PDE7B: variants seen among roughly 807,000 people sequenced by gnomAD.
PDE7B encodes the protein 3',5'-cyclic-AMP phosphodiesterase 7B.
PDE7B carries 29 observed loss-of-function variants against 56.2 expected under a neutral mutation model. The ratio of observed to expected loss-of-function variants is 0.52; its 90% CI spans 0.38 to 0.70. PDE7B has a LOEUF of 0.70. PDE7B is among the 30% of genes least tolerant of loss of function. PDE7B has a pLI of 0.00. For missense variants in PDE7B, 490 were observed against 565.0 expected (o/e 0.87, Z 1.35); for synonymous variants, 197 against 196.9 (o/e 1.00, Z 0.00).
intron 1 of PDE7B, among the ~76,000 whole-genome samples, chr6:135,896,949 C>A (rs1475322443): frequency 6.6e-6 from 1 of 152,068 alleles, no homozygotes; most frequent in Non-Finnish European, 1.5e-5. Flanking sequence ...GCCTGAAATA[C>A]CACTCTCCAA....
intron 2 of PDE7B, among the ~76,000 whole-genome samples, chr6:135,991,200 C>T (rs1228101193): frequency 1.3e-5 from 2 of 152,080 alleles, no homozygotes; most frequent in South Asian, 2.1e-4. Context: ...ACCTGTATCT[C>T]GTGCCAACAT....
intron 1 of PDE7B, among the ~76,000 whole-genome samples, chr6:135,928,469 T>TATATATTTATTTATATATATATTTA (rs1774232704): frequency 2.4e-5 from 2 of 81,740 alleles, no homozygotes; most frequent in African/African-American, 4.0e-5. Context: ...ATATATTTAT[T>TATATATTTATTTATATATATATTTA]TATATATATA....
chr6:135,877,652 A>G (rs1480828858), intron 1 of PDE7B, among the ~76,000 whole-genome samples: 1 of 151,660 alleles, frequency 6.6e-6, no homozygotes, highest in Admixed American at 6.6e-5. Flanking sequence ...AGTCATTAAT[A>G]TCTTTCTTAG....
At chr6:136,172,207 C>T (rs1338990244) in intron 8 of PDE7B, among the ~76,000 whole-genome samples, 4 of 152,164 alleles carry the variant, frequency 2.6e-5, no homozygotes, top group African/African-American at 9.7e-5. Context: ...CTTGAGGAAT[C>T]GCCACACTGA....
At chr6:136,157,855 T>A (rs559984607) in intron 8 of PDE7B, among the ~76,000 whole-genome samples, 62 of 152,348 alleles carry the variant, frequency 4.1e-4, no homozygotes, top group Non-Finnish European at 6.2e-4. Flanking sequence ...AACTCCAGAA[T>A]AACTGAAAAT....
At chr6:135,873,100 T>C (rs1775418196) in intron 1 of PDE7B, among the ~76,000 whole-genome samples, 1 of 152,142 alleles carries the variant, frequency 6.6e-6, no homozygotes, top group African/African-American at 2.4e-5. Flanking sequence ...CTCCATACTA[T>C]GAAGGTTCCT....
intron 2 of PDE7B, among the ~76,000 whole-genome samples, chr6:135,988,181 T>C (rs1775415550): frequency 6.6e-6 from 1 of 151,870 alleles, no homozygotes; most frequent in Non-Finnish European, 1.5e-5. Flanking sequence ...AAGAAAGAAC[T>C]AAGAGGGAAC....
intron 2 of PDE7B, among the ~76,000 whole-genome samples, chr6:135,992,639 G>T (rs1351684439): frequency 6.6e-6 from 1 of 152,056 alleles, no homozygotes; most frequent in East Asian, 1.9e-4. Flanking sequence ...GTTCCCTGTA[G>T]CTAGAGTTTG....
chr6:136,068,228 A>C (rs1007948247), intron 2 of PDE7B, among the ~76,000 whole-genome samples: 1 of 152,152 alleles, frequency 6.6e-6, no homozygotes, highest in Non-Finnish European at 1.5e-5. Flanking sequence ...CCAACAGTAC[A>C]TGAAAGATGT....
chr6:135,940,042 A>AT (rs1243150283), intron 1 of PDE7B, among the ~76,000 whole-genome samples: 5 of 151,256 alleles, frequency 3.3e-5, no homozygotes, highest in African/African-American at 4.9e-5. Flanking sequence ...GTCCATAAAG[A>AT]TTTTTTTTTA....
At chr6:135,886,560 C>T (rs1310967333) in intron 1 of PDE7B, among the ~76,000 whole-genome samples, 3 of 151,968 alleles carry the variant, frequency 2.0e-5, no homozygotes, top group East Asian at 1.9e-4. Flanking sequence ...GTTCAAACAT[C>T]ACACTTATGT....
rs559769128 is a variant in PDE7B at position 136,195,455 on chromosome 6, GAAAAAAAAAA to G, written c.*3628_*3637del. Reference sequence around the variant, plus strand: ...CATTTTGTATACACATGTGAGGTTTGAAAAAAAAAAAAAAAAAAAAAAGAACTACCTTGTG... The same window carrying G: ...CATTTTGTATACACATGTGAGGTTTGAAAAAAAAAAAAGAACTACCTTGTG... On this transcript the variant is annotated 3_prime_UTR_variant, in exon 13 of 13. Transcript: ENST00000308191. 56 of 68,974 alleles carry G rather than the reference GAAAAAAAAAA, an allele frequency of 8.1e-4. No homozygotes were observed. Among genetic ancestry groups the G allele is most frequent in the African/African-American group, 9.0e-4 (21 of 23,282 alleles). 4.3% of individuals were successfully genotyped at this position (68,974 alleles called of 1,614,324 possible). A position where few individuals can be genotyped will look rare whatever the true frequency, so the allele number is the denominator to read the frequency against.
At chr6:136,059,910 T>C (rs1776807736) in intron 2 of PDE7B, among the ~76,000 whole-genome samples, 2 of 152,162 alleles carry the variant, frequency 1.3e-5, no homozygotes, top group African/African-American at 2.4e-5. Context: ...TCATTCCTGA[T>C]CCACCTGAAC....
intron 2 of PDE7B, among the ~76,000 whole-genome samples, chr6:136,063,077 A>G (rs1030350498): frequency 6.6e-6 from 1 of 152,238 alleles, no homozygotes; most frequent in Non-Finnish European, 1.5e-5. Context: ...ATTTGCTAGT[A>G]TAACTTTGAT....
chr6:135,857,023 T>TCCCCCCCCCCC (rs879803784), intron 1 of PDE7B, among the ~76,000 whole-genome samples: 1 of 111,306 alleles, frequency 9.0e-6, no homozygotes, highest in African/African-American at 3.9e-5. Flanking sequence ...CTTACTCCTT[T>TCCCCCCCCCCC]TCCTCCCTCC....
At chr6:136,033,885 C>CGT (rs1332549638) in intron 2 of PDE7B, 1 of 124,372 alleles carries the variant, frequency 8.0e-6, no homozygotes, top group African/African-American at 3.6e-5. Context: ...CGTGTGTGTG[C>CGT]ATGTGTGTGT....
intron 2 of PDE7B, among the ~76,000 whole-genome samples, chr6:135,984,761 T>A (rs1036561542): frequency 1.3e-5 from 2 of 152,132 alleles, no homozygotes; most frequent in Non-Finnish European, 2.9e-5. Context: ...ACTTGTGTTG[T>A]TTGAGTTTGT....
chr6:135,936,672 C>T (rs533999890), intron 1 of PDE7B, among the ~76,000 whole-genome samples: 14 of 152,296 alleles, frequency 9.2e-5, no homozygotes, highest in African/African-American at 3.1e-4. Context: ...TGAAGTGCAG[C>T]ATGCTCTTCC....
At chr6:136,065,666 A>G (rs1341048102) in intron 2 of PDE7B, among the ~76,000 whole-genome samples, 1 of 152,218 alleles carries the variant, frequency 6.6e-6, no homozygotes, top group Non-Finnish European at 1.5e-5. Context: ...AATTCAGGGT[A>G]TACAACCGTA....
Sources: allele counts gnomAD v4.1 joint callset (sites outside exome capture counted in the v4.1 genomes callset), GRCh38; gene constraint gnomAD v4.1.1; transcripts MANE v1.5; gene names NCBI Gene and HGNC (gene_info 2026-07-23, HGNC 2026-07-21).